The following PPA2 variants were observed in gnomAD, a reference collection of about 807,000 sequenced individuals.
PPA2 encodes inorganic pyrophosphatase 2, mitochondrial.
A neutral mutation model predicts 49.5 loss-of-function variants in PPA2; 48 were observed. The observed-to-expected ratio is 0.97, with a 90% CI of 0.77 to 1.23. The LOEUF is 1.23. Ranked by LOEUF, PPA2 falls within the 50% of genes most tolerant of loss-of-function variation. The pLI, the probability that PPA2 is intolerant of heterozygous loss-of-function variation, is 0.00. For synonymous variants in PPA2, 131 were observed against 139.9 expected (o/e 0.94, Z 0.45); for missense variants, 429 against 410.1 (o/e 1.05, Z -0.40).
chr4:105,410,814 A>C (rs1032588433), intron 7 of PPA2, among the ~76,000 whole-genome samples: 16 of 152,210 alleles, frequency 1.1e-4, no homozygotes, highest in African/African-American at 3.4e-4. Flanking sequence ...AAGCCAAACT[A>C]AGCTTCATAA....
chr4:105,370,873 C>T lies in PPA2; in HGVS notation c.940G>A (p.Val314Ile), dbSNP rs1243157331. The T allele has an allele frequency of 6.8e-7, 1 of 1,467,996 alleles. No homozygotes were observed. Among genetic ancestry groups the T allele is most frequent in the East Asian group, 2.6e-5 (1 of 38,982 alleles). The allele number at this position is 1,467,996 out of a possible 1,614,324, so 90.9% of individuals were successfully genotyped here. Residue 314 changes from valine (V) to isoleucine (I), a missense_variant and splice_region_variant, in exon 11 of 12, where the codon GTA becomes ATA. By Grantham distance (29) the Val-to-Ile change is conservative. Coordinates refer to ENST00000341695, the MANE Select transcript of PPA2 (RefSeq NM_176869.3). Reference protein sequence around the residue: ...QEEARSLVESVSSSPNKESNE... With the variant: ...QEEARSLVESISSSPNKESNE... ...CTTTCTTTATTTGGTGAAGATGATA[C>T]CTGGAAATAAAAACAGAGAAAGAAT...
chr4:105,447,998 G>A (rs1722484451), intron 4 of PPA2: 1 of 292,926 alleles, frequency 3.4e-6, no homozygotes, highest in Non-Finnish European at 6.8e-6. Flanking sequence ...TGCCCGCCTT[G>A]GTTTCTCAAT....
intron 2 of PPA2, 103 bp from the exon 3 acceptor site, chr4:105,453,745 A>G: frequency 1.2e-6 from 1 of 812,772 alleles, no homozygotes; most frequent in Non-Finnish European, 1.8e-6. Flanking sequence ...TTCTACACAA[A>G]GACTGTCCAG....
intron 9 of PPA2, among the ~76,000 whole-genome samples, chr4:105,391,344 C>CACAAA (rs368712862): frequency 9.8e-6 from 1 of 102,524 alleles, no homozygotes; most frequent in Non-Finnish European, 1.9e-5. Flanking sequence ...CTTAAAGTAA[C>CACAAA]AAAAAAAAAA....
chr4:105,386,680 A>G (rs753462252), intron 9 of PPA2, 44 bp from the exon 10 acceptor site: 70 of 1,558,976 alleles, frequency 4.5e-5, no homozygotes, highest in Non-Finnish European at 6.1e-5. Flanking sequence ...GGATAAAAAG[A>G]AACAATTACC....
intron 7 of PPA2, among the ~76,000 whole-genome samples, chr4:105,411,624 C>T (rs1422162783): frequency 3.9e-5 from 6 of 152,086 alleles, no homozygotes; most frequent in African/African-American, 7.2e-5. Context: ...AAAGGGTATT[C>T]GATAAGGAAA....
intron 5 of PPA2, among the ~76,000 whole-genome samples, chr4:105,440,935 G>A (rs773059776): frequency 7.9e-5 from 12 of 152,110 alleles, no homozygotes; most frequent in Non-Finnish European, 1.6e-4. Flanking sequence ...ATACCAGACT[G>A]GTTCTCTTTA....
At chr4:105,411,846 A>T (rs940971080) in intron 7 of PPA2, among the ~76,000 whole-genome samples, 3 of 152,132 alleles carry the variant, frequency 2.0e-5, no homozygotes, top group Admixed American at 1.3e-4. Context: ...CACAATTGCT[A>T]CAAAGAGAAT....
chr4:105,460,651 T>C (rs1467783130), intron 1 of PPA2, among the ~76,000 whole-genome samples: 1 of 152,116 alleles, frequency 6.6e-6, no homozygotes, highest in Non-Finnish European at 1.5e-5. Flanking sequence ...AAATGAACAA[T>C]AATTTCAGCT....
intron 6 of PPA2, among the ~76,000 whole-genome samples, chr4:105,437,293 T>C (rs1724106280): frequency 6.6e-6 from 1 of 152,104 alleles, no homozygotes; most frequent in East Asian, 1.9e-4. Flanking sequence ...GATGTTCTTC[T>C]AGGAGTGAGA....
At chr4:105,446,527 A>C (rs772623847) in intron 4 of PPA2, 25 bp from the exon 5 acceptor site, 1 of 1,593,720 alleles carries the variant, frequency 6.3e-7, no homozygotes. Flanking sequence ...GAAGGAAGAA[A>C]AGGAGATGGG....
intron 7 of PPA2, among the ~76,000 whole-genome samples, chr4:105,409,722 T>G (rs921169590): frequency 2.0e-5 from 3 of 152,224 alleles, no homozygotes; most frequent in African/African-American, 7.2e-5. Context: ...TATTTGCTGT[T>G]CTGCAATATT....
intron 7 of PPA2, among the ~76,000 whole-genome samples, chr4:105,411,269 A>C (rs1369921507): frequency 6.6e-6 from 1 of 152,196 alleles, no homozygotes; most frequent in Non-Finnish European, 1.5e-5. Flanking sequence ...CTAGTCTCTG[A>C]TAAAAAAAAG....
At chr4:105,409,096 G>T (rs1357703967) in intron 7 of PPA2, among the ~76,000 whole-genome samples, 1 of 152,214 alleles carries the variant, frequency 6.6e-6, no homozygotes, top group Non-Finnish European at 1.5e-5. Flanking sequence ...GCAGGGCAGG[G>T]CATTGCCTCA....
At chr4:105,439,633 T>C (rs1724240479) in intron 5 of PPA2, among the ~76,000 whole-genome samples, 3 of 151,894 alleles carry the variant, frequency 2.0e-5, no homozygotes, top group Non-Finnish European at 4.4e-5. Flanking sequence ...ATAAAGGTAA[T>C]AAGAATTATT....
chr4:105,416,639 T>C (rs932818671), intron 7 of PPA2, among the ~76,000 whole-genome samples: 4 of 152,226 alleles, frequency 2.6e-5, no homozygotes, highest in South Asian at 2.1e-4. Flanking sequence ...ATAACATTCA[T>C]TGTAGTTTCT....
intron 10 of PPA2, 107 bp from the exon 11 acceptor site, chr4:105,370,980 T>C (rs1168297298): frequency 1.3e-5 from 14 of 1,067,758 alleles, no homozygotes; most frequent in Non-Finnish European, 1.7e-5. Context: ...TTACACACAA[T>C]GGATCTCTAA....
At chr4:105,414,009 T>C (rs1378138172) in intron 7 of PPA2, among the ~76,000 whole-genome samples, 1 of 152,122 alleles carries the variant, frequency 6.6e-6, no homozygotes, top group Non-Finnish European at 1.5e-5. Context: ...CAAAAGAATG[T>C]CAACCCCAAT....
At chr4:105,426,102 T>C (rs77992652) in intron 6 of PPA2, among the ~76,000 whole-genome samples, 1 of 152,140 alleles carries the variant, frequency 6.6e-6, no homozygotes, top group South Asian at 2.1e-4. Flanking sequence ...TGTATACATA[T>C]GTCAAAACTC....
Sources: gnomAD v4.1 joint callset for allele counts (sites outside exome capture counted in the v4.1 genomes callset) on GRCh38, gnomAD v4.1.1 for gene constraint, MANE v1.5 for transcripts, NCBI Gene and HGNC (gene_info 2026-07-23, HGNC 2026-07-21) for gene names.